Variants in NAALADL2 observed in about 807,000 individuals in gnomAD.
The protein encoded by NAALADL2 is inactive N-acetylated-alpha-linked acidic dipeptidase-like protein 2.
Under a neutral mutation model 87.2 loss-of-function variants are expected in NAALADL2, and 76 were observed. That is an observed-to-expected ratio of 0.87 (90% CI 0.72 to 1.05). The LOEUF (loss-of-function observed/expected upper bound fraction) is 1.05. NAALADL2 is among the 50% of genes least tolerant of loss of function. The pLI is 0.00. For synonymous variants in NAALADL2, 354 were observed against 331.0 expected, an observed-to-expected ratio of 1.07 and a Z score of -0.75; for missense variants, 1,089 against 945.8, an observed-to-expected ratio of 1.15 and a Z score of -1.99.
intron 2 of NAALADL2, among the ~76,000 whole-genome samples, chr3:174,734,062 G>C (rs190282431): frequency 2.6e-5 from 4 of 152,180 alleles, no homozygotes; most frequent in Non-Finnish European, 5.9e-5. Context: ...GGGACTACTG[G>C]GTTGGTTTCA....
chr3:175,274,959 A>C (rs7648719), intron 4 of NAALADL2, among the ~76,000 whole-genome samples: 1 of 152,314 alleles, frequency 6.6e-6, no homozygotes, highest in African/African-American at 2.4e-5. Context: ...AATACTACAA[A>C]GTAAACACTC....
Position 175,096,790 on chromosome 3 carries a change from G to A in NAALADL2, c.44G>A (p.Gly15Asp). ...AAATATATTTTTCTTATTTTCACAG[G>A]TAAAAAGATGGCCTATCAGAAGGTC... is the stretch of plus-strand genomic sequence containing the variant. The part of the protein sequence containing the change: ...EASLPNTSLQ[G>D]KKMAYQKVHA... Residue 15 changes from glycine (G) to aspartate (D), a missense_variant and splice_region_variant, in exon 2 of 14, where the codon GGT becomes GAT. Physicochemically the swap from Gly to Asp is moderately conservative, Grantham distance 94. Coordinates refer to ENST00000454872, the MANE Select transcript of NAALADL2 (RefSeq NM_207015.3). 6.8e-7 allele frequency: 1 copy of A among 1,476,182 alleles called. No homozygotes were observed. Among genetic ancestry groups the A allele is most frequent in the Non-Finnish European group, 9.0e-7 (1 of 1,111,838 alleles). 91.4% of individuals were successfully genotyped at this position (1,476,182 alleles called of 1,614,324 possible).
chr3:175,332,063 T>C (rs1761467103), intron 5 of NAALADL2, among the ~76,000 whole-genome samples: 1 of 152,054 alleles, frequency 6.6e-6, no homozygotes, highest in South Asian at 2.1e-4. Flanking sequence ...AAAATACTGA[T>C]GAAATAAACT....
chr3:175,586,045 A>G (rs981562674), intron 10 of NAALADL2, among the ~76,000 whole-genome samples: 4 of 152,232 alleles, frequency 2.6e-5, no homozygotes, highest in African/African-American at 7.2e-5. Context: ...TGCTCTAACA[A>G]TAAACTCCAG....
chr3:174,650,446 G>A (rs1269478270), intron 2 of NAALADL2, among the ~76,000 whole-genome samples: 2 of 152,068 alleles, frequency 1.3e-5, no homozygotes, highest in South Asian at 2.1e-4. Context: ...GTTTAACCCA[G>A]TATTTCCCTG....
rs1211142655 is a variant in NAALADL2 at position 175,000,688 on chromosome 3, T to C, written c.44-96102T>C. On this transcript the variant is annotated intron_variant, in intron 1 of 13. Transcript: ENST00000454872. ...TGGAATCCATAATCTTAATTAGTCATGCTTAAAGTACTAAAATCAGATTTC... is the reference window on the plus strand; with the variant it reads ...TGGAATCCATAATCTTAATTAGTCACGCTTAAAGTACTAAAATCAGATTTC... Among the ~76,000 whole-genome samples the C allele has an allele frequency of 2.0e-5, 3 of 152,334 alleles. No individual in the cohort carries two copies. In the South Asian group the frequency reaches 6.2e-4, roughly 32 times the overall value.
chr3:174,759,885 G>C (rs1392285373), intron 3 of NAALADL2, among the ~76,000 whole-genome samples: 10 of 152,072 alleles, frequency 6.6e-5, no homozygotes, highest in Admixed American at 6.6e-4. Flanking sequence ...ATTTTCAGTA[G>C]ACATGGGGTT....
intron 11 of NAALADL2, among the ~76,000 whole-genome samples, chr3:175,727,743 T>C (rs976532346): frequency 1.3e-5 from 2 of 152,164 alleles, no homozygotes; most frequent in Non-Finnish European, 2.9e-5. Context: ...CTCCTCCAAC[T>C]ATTGGCCTTC....
chr3:175,256,632 T>C lies in NAALADL2; in HGVS notation c.939+102T>C, dbSNP rs1749995611. On this transcript the variant is annotated intron_variant, in intron 4 of 13. Transcript: ENST00000454872. ...TGTGGAGTGTGTGTGTGCATATAGG[T>C]GTGTGAGAGAGAGAAGGGGAGAGGA... 5.5e-6 allele frequency: 6 copies of C among 1,090,694 alleles called. No individual in the cohort carries two copies. In the East Asian group the frequency reaches 1.7e-4, roughly 31 times the overall value. 67.6% of individuals were successfully genotyped at this position (1,090,694 alleles called of 1,614,324 possible). A position where few individuals can be genotyped will look rare whatever the true frequency, so the allele number is the denominator to read the frequency against.
rs1031033865 is a variant in NAALADL2 at position 175,803,996 on chromosome 3, T to G, written c.*793T>G. On this transcript the variant is annotated 3_prime_UTR_variant, in exon 14 of 14. Transcript: ENST00000454872. ...AAATATTTCTTATTACTTTTTCTCT[T>G]GTTTCTGTTGGAAACACTGAAGCAG... The G allele has an allele frequency of 1.5e-4, 23 of 152,402 alleles. No homozygotes were observed. The Admixed American group carries it at 1.5e-3, about 10-fold the overall frequency. The allele number at this position is 152,402 out of a possible 1,614,324, so 9.4% of individuals were successfully genotyped here.
intron 2 of NAALADL2, among the ~76,000 whole-genome samples, chr3:174,562,740 T>C (rs755598780): frequency 6.7e-4 from 101 of 151,820 alleles, no homozygotes; most frequent in Non-Finnish European, 1.4e-3. Context: ...TTGTTTGGCA[T>C]CTTGTGATGC....
At chr3:174,819,035 ATTTC>A (rs1721111428) in intron 3 of NAALADL2, among the ~76,000 whole-genome samples, 1 of 109,058 alleles carries the variant, frequency 9.2e-6, no homozygotes, top group East Asian at 2.7e-4. Flanking sequence ...AAAATTTTGA[ATTTC>A]TTTATTATAC....
chr3:175,607,685 G>A (rs771065935), intron 10 of NAALADL2, among the ~76,000 whole-genome samples: 1 of 152,088 alleles, frequency 6.6e-6, no homozygotes, highest in Non-Finnish European at 1.5e-5. Context: ...AAAAACATGT[G>A]ATTATGCTTC....
At chr3:174,679,527 A>G (rs1242668727) in intron 2 of NAALADL2, among the ~76,000 whole-genome samples, 1 of 152,122 alleles carries the variant, frequency 6.6e-6, no homozygotes, top group African/African-American at 2.4e-5. Context: ...CTCACATTGT[A>G]TTTCTATTGA....
intron 9 of NAALADL2, among the ~76,000 whole-genome samples, chr3:175,511,016 A>G (rs2149394112): frequency 6.6e-6 from 1 of 152,342 alleles, no homozygotes; most frequent in Non-Finnish European, 1.5e-5. Context: ...GGTAGCCTAG[A>G]TAGAATATCT....
At chr3:174,882,039 G>A (rs1729255203) in intron 1 of NAALADL2, among the ~76,000 whole-genome samples, 1 of 152,084 alleles carries the variant, frequency 6.6e-6, no homozygotes, top group Non-Finnish European at 1.5e-5. Flanking sequence ...TCCCTGTTTT[G>A]TATAGCTTTA....
At chr3:175,458,210 G>T (rs1722609974) in intron 6 of NAALADL2, among the ~76,000 whole-genome samples, 1 of 151,846 alleles carries the variant, frequency 6.6e-6, no homozygotes, top group Admixed American at 6.6e-5. Flanking sequence ...AACCAGATCT[G>T]GATTCATCTA....
chr3:175,022,176 A>G (rs976271782), intron 1 of NAALADL2, among the ~76,000 whole-genome samples: 3 of 152,046 alleles, frequency 2.0e-5, no homozygotes, highest in African/African-American at 7.2e-5. Flanking sequence ...TGCTTCTTGT[A>G]TAGCCTGAAG....
intron 1 of NAALADL2, among the ~76,000 whole-genome samples, chr3:174,898,801 G>C (rs1040716786): frequency 3.1e-4 from 47 of 152,076 alleles, no homozygotes; most frequent in African/African-American, 9.9e-4. Context: ...ATAAATCCTG[G>C]ATGGTAAAAT....
Sources: gnomAD v4.1 joint callset for allele counts (sites outside exome capture counted in the v4.1 genomes callset) on GRCh38, gnomAD v4.1.1 for gene constraint, MANE v1.5 for transcripts, NCBI Gene and HGNC (gene_info 2026-07-23, HGNC 2026-07-21) for gene names.